Variants in SENP2 observed in about 807,000 individuals in gnomAD.
SENP2 encodes SUMO specific peptidase 2, also known as sentrin-specific protease 2.
SENP2 carries 16 observed loss-of-function variants against 86.3 expected under a neutral mutation model. The observed-to-expected ratio is 0.19, with a 90% CI of 0.13 to 0.28. The LOEUF is 0.28. Among genes scored for constraint, SENP2 ranks in the 10% least tolerant of loss-of-function variants. The pLI, the probability that SENP2 is intolerant of heterozygous loss-of-function variation, is 1.00. For missense variants in SENP2, 552 were observed against 703.0 expected (o/e 0.79, Z 2.43); for synonymous variants, 222 against 238.7 (o/e 0.93, Z 0.64).
chr3:185,615,124 T>C (rs1283834533), intron 11 of SENP2, among the ~76,000 whole-genome samples: 3 of 152,202 alleles, frequency 2.0e-5, no homozygotes, highest in African/African-American at 7.2e-5. Context: ...CTTTGTTGAT[T>C]ATTGCATTTG....
intron 14 of SENP2, 54 bp from the exon 15 acceptor site, chr3:185,623,944 G>A: frequency 9.6e-7 from 1 of 1,046,938 alleles, no homozygotes; most frequent in South Asian, 1.4e-5. Flanking sequence ...TAACCATAAT[G>A]GTTAATTTCT....
chr3:185,603,163 C>T (rs571977610), intron 5 of SENP2, among the ~76,000 whole-genome samples: 5 of 151,930 alleles, frequency 3.3e-5, no homozygotes, highest in African/African-American at 7.2e-5. Flanking sequence ...CCAACCGCCT[C>T]GGCCTCCCAA....
chr3:185,619,626 G>T, intron 13 of SENP2, 124 bp downstream of exon 13: 2 of 570,714 alleles, frequency 3.5e-6, no homozygotes, highest in Non-Finnish European at 5.7e-6. Context: ...ATACTCTGCA[G>T]AGTCTCTTTT....
chr3:185,599,196 A>G (rs1722266338), intron 4 of SENP2, among the ~76,000 whole-genome samples, 172 bp downstream of exon 4: 1 of 152,142 alleles, frequency 6.6e-6, no homozygotes. Context: ...CTTTGAATTT[A>G]CTGTTGTTTT....
intron 5 of SENP2, among the ~76,000 whole-genome samples, chr3:185,604,797 C>G (rs1040939192): frequency 4.6e-5 from 7 of 151,314 alleles, no homozygotes; most frequent in Non-Finnish European, 8.8e-5. Flanking sequence ...GCTCTGTCTC[C>G]CAGGCTGGAG....
chr3:185,609,214 T>G, intron 6 of SENP2, 33 bp from the exon 7 acceptor site: 2 of 1,457,872 alleles, frequency 1.4e-6, no homozygotes, highest in South Asian at 1.2e-5. Context: ...TTTAATGTGC[T>G]GGTACTTATC....
At chr3:185,602,354 TC>T (rs772499262) in intron 5 of SENP2, among the ~76,000 whole-genome samples, 156 of 152,222 alleles carry the variant, frequency 1.0e-3, no homozygotes, top group Non-Finnish European at 1.6e-3. Flanking sequence ...AAAGGAGTGT[TC>T]AAAAACTGGG....
At chr3:185,616,542 G>A (rs1476752150) in intron 11 of SENP2, among the ~76,000 whole-genome samples, 11 of 150,512 alleles carry the variant, frequency 7.3e-5, no homozygotes, top group Non-Finnish European at 1.5e-4. Context: ...TTGGGAGGCC[G>A]AGATGGGCAG....
At chr3:185,606,848 G>T in intron 6 of SENP2, 1 of 491,654 alleles carries the variant, frequency 2.0e-6, no homozygotes, top group Non-Finnish European at 4.0e-6. Flanking sequence ...AGTATTGAAG[G>T]CACAGACACA....
rs138822131 is a variant in SENP2, at chr3:185,610,371, A to G, written c.722+1021A>G. Among the ~76,000 whole-genome samples the G allele has an allele frequency of 3.8e-4, 58 of 152,248 alleles. 1 individual carries two copies. Among genetic ancestry groups the G allele is most frequent in the African/African-American group, 1.3e-3 (53 of 41,556 alleles). On this transcript the variant is annotated intron_variant, in intron 7 of 16. Coordinates refer to ENST00000296257, the MANE Select transcript of SENP2 (RefSeq NM_021627.3). ...GAGATGGGGCTTCACCATGTTGGCC[A>G]GGCCGGTCTCGAACACCTGATCTCA...
At chr3:185,624,558 A>G (rs1210689541) in intron 15 of SENP2, among the ~76,000 whole-genome samples, 1 of 152,048 alleles carries the variant, frequency 6.6e-6, no homozygotes, top group South Asian at 2.1e-4. Context: ...ATCCCATGCC[A>G]AAAAAAGCAT....
intron 7 of SENP2, among the ~76,000 whole-genome samples, chr3:185,610,154 CTTTTTTTT>C (rs557832407): frequency 6.1e-5 from 7 of 115,068 alleles, no homozygotes; most frequent in Admixed American, 2.0e-4. Context: ...TATTATCTAG[CTTTTTTTT>C]TTTTTTTTTT....
chr3:185,593,773 A>G (rs1722085585), intron 2 of SENP2, among the ~76,000 whole-genome samples: 1 of 148,924 alleles, frequency 6.7e-6, no homozygotes, highest in South Asian at 2.1e-4. Context: ...TCGTTGCCCA[A>G]GCTGCAGTGC....
chr3:185,586,935 G>A lies in SENP2; in HGVS notation c.101+421G>A, dbSNP rs868809533. 6.6e-6 allele frequency among the ~76,000 whole-genome samples: 1 copy of A among 152,154 alleles called. No homozygotes were observed. Among genetic ancestry groups the A allele is most frequent in the Admixed American group, 6.6e-5 (1 of 15,266 alleles). ...CGTTTTGACTGCAAGTACTGTCCTT[G>A]CAGCAAGAAACAGCACCTGTTTTGT... is the stretch of plus-strand genomic sequence containing the variant. On this transcript the variant is annotated intron_variant, in intron 1 of 16. Transcript: ENST00000296257. The surrounding 1 kb of genome is among the most constrained non-coding windows in gnomAD (Gnocchi z 4.3).
intron 12 of SENP2, among the ~76,000 whole-genome samples, chr3:185,618,435 T>C (rs746918778): frequency 6.6e-6 from 1 of 152,246 alleles, no homozygotes; most frequent in Non-Finnish European, 1.5e-5. Flanking sequence ...CCCCTGCATG[T>C]TCTCTCTTTG....
intron 5 of SENP2, among the ~76,000 whole-genome samples, chr3:185,603,269 C>A (rs1407556007): frequency 1.3e-5 from 2 of 152,136 alleles, no homozygotes; most frequent in African/African-American, 4.8e-5. Flanking sequence ...ACTGACACCA[C>A]CTTAACCAAA....
At chr3:185,597,885 C>A (rs1295886489) in intron 2 of SENP2, among the ~76,000 whole-genome samples, 1 of 152,132 alleles carries the variant, frequency 6.6e-6, no homozygotes, top group East Asian at 1.9e-4. Context: ...AACTCCTGAC[C>A]TCAGGTGATC....
At chr3:185,626,710 T>C (rs181848229) in intron 16 of SENP2, among the ~76,000 whole-genome samples, 29 of 150,282 alleles carry the variant, frequency 1.9e-4, no homozygotes, top group African/African-American at 6.1e-4. Context: ...GAGGTGGAGG[T>C]TGCAGTGAGC....
At chr3:185,616,019 C>G (rs912386924) in intron 11 of SENP2, among the ~76,000 whole-genome samples, 7 of 151,514 alleles carry the variant, frequency 4.6e-5, no homozygotes, top group African/African-American at 1.7e-4. Context: ...CGTGCCACCA[C>G]GCCCAGCTAA....
Sources: allele counts gnomAD v4.1 joint callset (sites outside exome capture counted in the v4.1 genomes callset), GRCh38; gene constraint gnomAD v4.1.1; non-coding constraint Gnocchi (gnomAD v3.1); transcripts MANE v1.5; gene names NCBI Gene and HGNC (gene_info 2026-07-23, HGNC 2026-07-21).